C1orf21: variants seen among roughly 807,000 people sequenced by gnomAD.
C1orf21 encodes the protein chromosome 1 open reading frame 21.
C1orf21 carries 3 observed loss-of-function variants against 18.7 expected under a neutral mutation model. That is an observed-to-expected ratio of 0.16 (90% CI 0.07 to 0.42). The LOEUF (loss-of-function observed/expected upper bound fraction) is 0.42. C1orf21 is among the 10% of genes least tolerant of loss of function. C1orf21 has a pLI of 0.99. For missense variants in C1orf21, 104 were observed against 143.6 expected, an observed-to-expected ratio of 0.72 and a Z score of 1.41; for synonymous variants, 41 against 46.4, an observed-to-expected ratio of 0.88 and a Z score of 0.47.
intron 4 of C1orf21, among the ~76,000 whole-genome samples, chr1:184,596,737 G>A (rs1001729167): frequency 3.9e-5 from 6 of 152,222 alleles, no homozygotes; most frequent in African/African-American, 1.4e-4. Context: ...TGTACGTGGT[G>A]GCTCACGCCT....
chr1:184,598,387 C>G lies in C1orf21; in HGVS notation c.267-14C>G. The G allele has an allele frequency of 6.2e-7, 1 of 1,612,526 alleles. No homozygotes were observed. The highest frequency in any genetic ancestry group is 8.5e-7 in the Non-Finnish European group (1 of 1,179,482). On this transcript the variant is annotated splice_polypyrimidine_tract_variant and intron_variant, in intron 4 of 5. Coordinates refer to ENST00000235307, the MANE Select transcript of C1orf21 (RefSeq NM_030806.4). Reference sequence around the variant, plus strand: ...AGCACTAAAATATGCACTTAACTACCCTTTGTTTTTCAGCATGCACATCTC... The same window carrying G: ...AGCACTAAAATATGCACTTAACTACGCTTTGTTTTTCAGCATGCACATCTC...
intron 3 of C1orf21, among the ~76,000 whole-genome samples, chr1:184,576,752 C>T (rs768612694): frequency 2.6e-5 from 4 of 152,216 alleles, no homozygotes; most frequent in Admixed American, 1.3e-4. Context: ...TACTGCTGCC[C>T]GAGTGGTCTT....
At chr1:184,555,442 C>G (rs1317104556) in intron 3 of C1orf21, among the ~76,000 whole-genome samples, 3 of 152,164 alleles carry the variant, frequency 2.0e-5, no homozygotes, top group Non-Finnish European at 1.5e-5. Context: ...CAGCCAGATG[C>G]TGCTGCTTCT....
chr1:184,401,667 T>A (rs929556770), intron 1 of C1orf21, among the ~76,000 whole-genome samples: 4 of 152,156 alleles, frequency 2.6e-5, no homozygotes, highest in Non-Finnish European at 5.9e-5. Flanking sequence ...GTTTCTTGAT[T>A]GTCTCTTAGT....
chr1:184,398,427 C>A (rs1193024148), intron 1 of C1orf21, among the ~76,000 whole-genome samples: 1 of 152,172 alleles, frequency 6.6e-6, no homozygotes, highest in African/African-American at 2.4e-5. Context: ...TGTCAACTCC[C>A]AGCCAGTTCT....
At chr1:184,429,006 CT>C (rs1402130463) in intron 1 of C1orf21, among the ~76,000 whole-genome samples, 1 of 152,180 alleles carries the variant, frequency 6.6e-6, no homozygotes. Flanking sequence ...GATCCTACCC[CT>C]GGCTCCATCC....
At chr1:184,580,980 G>T (rs1008788057) in intron 3 of C1orf21, among the ~76,000 whole-genome samples, 14 of 152,122 alleles carry the variant, frequency 9.2e-5, no homozygotes, top group Non-Finnish European at 1.9e-4. Context: ...GGCCAAGTAA[G>T]TAGGAACATC....
intron 3 of C1orf21, among the ~76,000 whole-genome samples, chr1:184,578,279 C>T (rs1571286037): frequency 6.6e-6 from 1 of 152,158 alleles, no homozygotes; most frequent in Non-Finnish European, 1.5e-5. Flanking sequence ...TAAATGCAGT[C>T]TCCTGGGGAC....
intron 2 of C1orf21, among the ~76,000 whole-genome samples, chr1:184,495,935 A>AAAAC (rs1182021933): frequency 2.0e-5 from 3 of 151,840 alleles, no homozygotes; most frequent in Admixed American, 6.6e-5. Flanking sequence ...AAAAAAAAAA[A>AAAAC]AAAAAGATAT....
chr1:184,416,528 A>AGG, intron 1 of C1orf21, among the ~76,000 whole-genome samples: 1 of 152,292 alleles, frequency 6.6e-6, no homozygotes, highest in Admixed American at 6.5e-5. Context: ...ATTAAAAAAA[A>AGG]GCAAAAATGT....
At chr1:184,599,269 AT>A (rs1346946826) in intron 5 of C1orf21, 2 of 152,112 alleles carry the variant, frequency 1.3e-5, no homozygotes, top group African/African-American at 4.8e-5. Context: ...TGACAGGCTG[AT>A]TTTTACCTTT....
intron 3 of C1orf21, among the ~76,000 whole-genome samples, chr1:184,513,776 T>A (rs1658185566): frequency 6.6e-6 from 1 of 152,220 alleles, no homozygotes; most frequent in Non-Finnish European, 1.5e-5. Context: ...GCTGTTTCAG[T>A]GAAAATTAAG....
intron 4 of C1orf21, among the ~76,000 whole-genome samples, chr1:184,593,378 C>A (rs1005598067): frequency 6.6e-6 from 1 of 151,990 alleles, no homozygotes; most frequent in African/African-American, 2.4e-5. Flanking sequence ...TCTGGAGGGC[C>A]AAGAGAAGAG....
chr1:184,505,340 T>TATAC (rs1285554960), intron 2 of C1orf21, among the ~76,000 whole-genome samples: 35 of 118,676 alleles, frequency 2.9e-4, no homozygotes, highest in East Asian at 6.9e-4. Flanking sequence ...TATATATATA[T>TATAC]ACACACATGC....
At chr1:184,520,172 GACA>G (rs1658287315) in intron 3 of C1orf21, among the ~76,000 whole-genome samples, 1 of 152,124 alleles carries the variant, frequency 6.6e-6, no homozygotes, top group South Asian at 2.1e-4. Flanking sequence ...AATTGATAAT[GACA>G]ACAATATTTC....
chr1:184,402,029 A>AAAGT (rs1294109222), intron 1 of C1orf21, among the ~76,000 whole-genome samples: 1 of 152,204 alleles, frequency 6.6e-6, no homozygotes, highest in African/African-American at 2.4e-5. Context: ...TACAGTTGAA[A>AAAGT]AAAGTAAATT....
At chr1:184,410,663 AT>A (rs71297843) in intron 1 of C1orf21, among the ~76,000 whole-genome samples, 77 of 7,660 alleles carry the variant, frequency 0.01, 3 homozygotes, top group African/African-American at 0.014. Flanking sequence ...ATATATATAT[AT>A]TTTTTTTTTT....
chr1:184,420,352 G>A (rs992540740), intron 1 of C1orf21, among the ~76,000 whole-genome samples: 9 of 152,050 alleles, frequency 5.9e-5, no homozygotes, highest in South Asian at 2.1e-4. Flanking sequence ...GATTATTCAC[G>A]TAAGACATGG....
At chr1:184,601,939 T>C (rs754494659) in intron 5 of C1orf21, among the ~76,000 whole-genome samples, 1 of 152,014 alleles carries the variant, frequency 6.6e-6, no homozygotes, top group Non-Finnish European at 1.5e-5. Context: ...ATTCAGCACC[T>C]ACTGAATACT....
Sources: allele counts gnomAD v4.1 joint callset (sites outside exome capture counted in the v4.1 genomes callset), GRCh38; gene constraint gnomAD v4.1.1; transcripts MANE v1.5; gene names NCBI Gene and HGNC (gene_info 2026-07-23, HGNC 2026-07-21).